The following ANO4 variants were observed in gnomAD, a reference collection of about 807,000 sequenced individuals.
The protein encoded by ANO4 is anoctamin 4.
A neutral mutation model predicts 141.9 loss-of-function variants in ANO4; 69 were observed. The observed-to-expected ratio is 0.49, with a 90% confidence interval of 0.40 to 0.59. The LOEUF is 0.59. ANO4 is among the 20% of genes least tolerant of loss of function. The probability of loss-of-function intolerance (pLI) is 0.00; values close to 1 mark genes in which losing one functional copy is unlikely to be tolerated. For synonymous variants in ANO4, 350 were observed against 394.3 expected, an observed-to-expected ratio of 0.89 and a Z score of 1.33; for missense variants, 894 against 1,162.2, an observed-to-expected ratio of 0.77 and a Z score of 3.36.
chr12:100,781,796 G>A (rs1360399704), intron 3 of ANO4, among the ~76,000 whole-genome samples: 1 of 152,136 alleles, frequency 6.6e-6, no homozygotes. Flanking sequence ...AATTAATGAT[G>A]TTTAATTTGT....
At chr12:100,895,377 A>G (rs2040298687) in intron 1 of ANO4, among the ~76,000 whole-genome samples, 1 of 152,056 alleles carries the variant, frequency 6.6e-6, no homozygotes, top group East Asian at 1.9e-4. Context: ...GATGAAAGCA[A>G]ATCATTTTTA....
intron 13 of ANO4, among the ~76,000 whole-genome samples, chr12:101,044,276 G>T (rs1212550276): frequency 6.6e-6 from 1 of 152,106 alleles, no homozygotes. Context: ...CTATTGGCAT[G>T]ACGTGAGGAC....
At chr12:100,894,835 G>A (rs969977636) in intron 1 of ANO4, among the ~76,000 whole-genome samples, 8 of 151,562 alleles carry the variant, frequency 5.3e-5, no homozygotes, top group East Asian at 3.9e-4. Context: ...GCGTGGTGGC[G>A]GGCGCCTGTA....
intron 22 of ANO4, among the ~76,000 whole-genome samples, chr12:101,108,073 G>A (rs1486625486): frequency 3.3e-5 from 5 of 152,252 alleles, no homozygotes; most frequent in Admixed American, 6.5e-5. Context: ...GGTTTGGGGA[G>A]TGCTGTTTCT....
At chr12:101,040,309 A>G (rs1463167127) in intron 11 of ANO4, among the ~76,000 whole-genome samples, 1 of 152,240 alleles carries the variant, frequency 6.6e-6, no homozygotes, top group African/African-American at 2.4e-5. Flanking sequence ...AGAGGGGCCC[A>G]GGAATGGGCA....
intron 26 of ANO4, among the ~76,000 whole-genome samples, chr12:101,121,496 A>G (rs183534445): frequency 6.6e-6 from 1 of 152,292 alleles, no homozygotes; most frequent in African/African-American, 2.4e-5. Context: ...ATGGGCACCC[A>G]GGTTGATTCC....
At chr12:101,048,446 C>T (rs1178436030) in intron 14 of ANO4, 45 bp downstream of exon 14, 1 of 1,529,830 alleles carries the variant, frequency 6.5e-7, no homozygotes, top group Middle Eastern at 1.7e-4. Context: ...CTCATATGCC[C>T]TATGATATAT....
chr12:100,894,204 C>T (rs2040230298), intron 1 of ANO4, among the ~76,000 whole-genome samples: 1 of 152,114 alleles, frequency 6.6e-6, no homozygotes, highest in Non-Finnish European at 1.5e-5. Context: ...ATTTTTGTGA[C>T]ATGCTGATGC....
intron 1 of ANO4, among the ~76,000 whole-genome samples, chr12:100,812,977 C>G (rs1454200556): frequency 6.6e-6 from 1 of 152,130 alleles, no homozygotes; most frequent in Non-Finnish European, 1.5e-5. Flanking sequence ...AGCAATCTTT[C>G]CTGTGTATTG....
At chr12:101,100,564 G>A (rs2136964256) in intron 22 of ANO4, among the ~76,000 whole-genome samples, 2 of 152,256 alleles carry the variant, frequency 1.3e-5, no homozygotes, top group South Asian at 4.1e-4. Flanking sequence ...TTCATTAAGA[G>A]AACTAACCAC....
At chr12:101,047,007 T>G (rs2047658677) in intron 13 of ANO4, among the ~76,000 whole-genome samples, 1 of 152,172 alleles carries the variant, frequency 6.6e-6, no homozygotes, top group South Asian at 2.1e-4. Context: ...CCCAGCACTT[T>G]AGGAGGCCGA....
intron 1 of ANO4, among the ~76,000 whole-genome samples, chr12:100,802,724 G>A (rs1162650574): frequency 6.6e-6 from 1 of 152,102 alleles, no homozygotes; most frequent in Non-Finnish European, 1.5e-5. Context: ...GAGTGGGAGG[G>A]GGAGACAGAA....
intron 3 of ANO4, among the ~76,000 whole-genome samples, chr12:100,741,192 C>T (rs1378090435): frequency 6.6e-6 from 1 of 151,508 alleles, no homozygotes; most frequent in Non-Finnish European, 1.5e-5. Context: ...TCTATAGATA[C>T]AGCACTTAGA....
intron 1 of ANO4, among the ~76,000 whole-genome samples, chr12:100,808,320 C>CT (rs1051338114): frequency 6.6e-6 from 1 of 152,088 alleles, no homozygotes; most frequent in South Asian, 2.1e-4. Flanking sequence ...TGATGTCAAG[C>CT]TTTTTTTCAT....
chr12:101,002,453 C>T lies in ANO4; in HGVS notation c.734+14783C>T, dbSNP rs59921483. ...CTTTGGGATAAAGCTTAAATTTCTT[C>T]ACATGGCATACAAAACTGCCTTTTT... On this transcript the variant is annotated intron_variant, in intron 8 of 27. Coordinates refer to ENST00000392977, the MANE Select transcript of ANO4 (RefSeq NM_001286615.2). 1.8e-3 allele frequency among the ~76,000 whole-genome samples: 267 copies of T among 152,328 alleles called. 4 individuals are homozygous for T. The South Asian group carries it at 0.025, about 14-fold the overall frequency.
At chr12:101,080,846 A>T (rs1055551357) in intron 15 of ANO4, among the ~76,000 whole-genome samples, 2 of 131,334 alleles carry the variant, frequency 1.5e-5, no homozygotes, top group Admixed American at 1.7e-4. Flanking sequence ...ATGTGTATAT[A>T]TATTTTTTCT....
At chr12:100,810,594 G>A (rs1392412685) in intron 1 of ANO4, among the ~76,000 whole-genome samples, 1 of 152,148 alleles carries the variant, frequency 6.6e-6, no homozygotes, top group Non-Finnish European at 1.5e-5. Context: ...GATGGACCAG[G>A]ATAGTGATTC....
intron 14 of ANO4, 66 bp downstream of exon 14, chr12:101,048,467 GT>G: frequency 7.1e-7 from 1 of 1,412,740 alleles, no homozygotes. Context: ...TCCTTTAGAA[GT>G]TTCACTTTGG....
chr12:100,780,729 T>C (rs1660011805), intron 3 of ANO4, among the ~76,000 whole-genome samples: 1 of 152,128 alleles, frequency 6.6e-6, no homozygotes, highest in Admixed American at 6.5e-5. Flanking sequence ...ACTGCTGATC[T>C]CCTACCTCAT....
Sources: allele counts gnomAD v4.1 joint callset (sites outside exome capture counted in the v4.1 genomes callset), GRCh38; gene constraint gnomAD v4.1.1; transcripts MANE v1.5; gene names NCBI Gene and HGNC (gene_info 2026-07-23, HGNC 2026-07-21).